The following CSMD1 variants were observed in gnomAD, a reference collection of about 807,000 sequenced individuals.
CSMD1 encodes the protein CUB and sushi domain-containing protein 1.
Under a neutral mutation model 417.5 loss-of-function variants are expected in CSMD1, and 213 were observed. The observed-to-expected ratio is 0.51, with a 90% confidence interval of 0.46 to 0.57. CSMD1 has a LOEUF of 0.57. Among genes scored for constraint, CSMD1 ranks in the 20% least tolerant of loss-of-function variants. The pLI, the probability that CSMD1 is intolerant of heterozygous loss-of-function variation, is 0.00. For synonymous variants in CSMD1, 2,862 were observed against 1,736.8 expected, an observed-to-expected ratio of 1.65 and a Z score of -16.11; for missense variants, 6,923 against 4,529.7, an observed-to-expected ratio of 1.53 and a Z score of -15.17.
At chr8:4,883,224 G>A (rs1010386640) in intron 1 of CSMD1, among the ~76,000 whole-genome samples, 12 of 151,968 alleles carry the variant, frequency 7.9e-5, no homozygotes, top group African/African-American at 2.9e-4. Context: ...GAGCAACATG[G>A]TTGATTTCTA....
chr8:3,544,227 C>T (rs541420331), intron 10 of CSMD1, among the ~76,000 whole-genome samples: 1 of 151,928 alleles, frequency 6.6e-6, no homozygotes, highest in Admixed American at 6.6e-5. Context: ...CTAAACAGAC[C>T]CAAAATTAAA....
chr8:3,754,089 G>C (rs1312986038), intron 5 of CSMD1, 47 bp from the exon 6 acceptor site: 3 of 1,284,932 alleles, frequency 2.3e-6, no homozygotes, highest in South Asian at 2.5e-5. Context: ...AACCAACAGA[G>C]CAAATGTCCT....
intron 1 of CSMD1, among the ~76,000 whole-genome samples, chr8:4,916,905 G>A (rs975514463): frequency 9.8e-5 from 15 of 152,344 alleles, no homozygotes; most frequent in Admixed American, 2.6e-4. Context: ...TTTGACTGGT[G>A]ATGGATACCA....
intron 10 of CSMD1, among the ~76,000 whole-genome samples, chr8:3,555,708 C>A (rs1799114355): frequency 6.6e-6 from 1 of 152,088 alleles, no homozygotes; most frequent in Non-Finnish European, 1.5e-5. Context: ...AAATATGTGT[C>A]TATCATATTT....
At chr8:4,526,827 C>A (rs118063552) in intron 2 of CSMD1, among the ~76,000 whole-genome samples, 2 of 152,050 alleles carry the variant, frequency 1.3e-5, no homozygotes, top group African/African-American at 4.8e-5. Context: ...TAAATTTAAT[C>A]GACAAATGTT....
chr8:4,731,092 C>T (rs149516592), intron 1 of CSMD1, among the ~76,000 whole-genome samples: 1 of 152,184 alleles, frequency 6.6e-6, no homozygotes, highest in Non-Finnish European at 1.5e-5. Context: ...CCATTACCAG[C>T]TGTAACCTGC....
intron 29 of CSMD1, among the ~76,000 whole-genome samples, chr8:3,217,461 A>C (rs896573847): frequency 6.6e-6 from 1 of 152,174 alleles, no homozygotes; most frequent in Admixed American, 6.5e-5. Flanking sequence ...GAGTTGTCAG[A>C]GTGGGCAATG....
intron 3 of CSMD1, among the ~76,000 whole-genome samples, chr8:4,341,379 A>T (rs553194716): frequency 2.8e-4 from 43 of 152,254 alleles, no homozygotes; most frequent in African/African-American, 1.0e-3. Context: ...GCAGGAAATA[A>T]TTTAGTACTG....
intron 3 of CSMD1, among the ~76,000 whole-genome samples, chr8:4,078,090 G>A (rs73502930): frequency 1.4e-3 from 214 of 152,236 alleles, no homozygotes; most frequent in African/African-American, 4.9e-3. Context: ...ACATGCCAAA[G>A]AGAGAAATCT....
chr8:3,506,305 A>G (rs1285714497), intron 10 of CSMD1, among the ~76,000 whole-genome samples: 2 of 152,102 alleles, frequency 1.3e-5, no homozygotes, highest in Non-Finnish European at 2.9e-5. Flanking sequence ...GATTCCTACT[A>G]CCCGCTATTT....
chr8:4,559,215 AGTTGGATAAACTTAAAAT>A (rs147196724), intron 2 of CSMD1, among the ~76,000 whole-genome samples: 4,089 of 152,296 alleles, frequency 0.027, 171 homozygotes, highest in African/African-American at 0.091. Flanking sequence ...TATGACTTTA[AGTTGGATAAACTTAAAAT>A]GTTGGATAAA....
At chr8:3,904,440 G>C (rs1807971797) in intron 5 of CSMD1, among the ~76,000 whole-genome samples, 1 of 152,094 alleles carries the variant, frequency 6.6e-6, no homozygotes, top group Non-Finnish European at 1.5e-5. Context: ...GTGTGTCTAG[G>C]AATGTCCCAG....
chr8:3,073,728 T>A (rs187021715), intron 49 of CSMD1, among the ~76,000 whole-genome samples: 28 of 149,030 alleles, frequency 1.9e-4, no homozygotes, highest in Admixed American at 1.7e-3. Context: ...TAAAATTGAA[T>A]AAAACCAAAG....
At chr8:3,475,660 A>G (rs572210754) in intron 11 of CSMD1, among the ~76,000 whole-genome samples, 2 of 152,228 alleles carry the variant, frequency 1.3e-5, no homozygotes, top group Non-Finnish European at 2.9e-5. Flanking sequence ...ATTTCAGTGA[A>G]GATACTGCTG....
intron 2 of CSMD1, among the ~76,000 whole-genome samples, chr8:4,435,792 A>G (rs1004972052): frequency 5.3e-5 from 8 of 152,224 alleles, no homozygotes; most frequent in African/African-American, 1.9e-4. Flanking sequence ...ACAAGACAAT[A>G]GAAGACAGAC....
chr8:3,160,771 A>G (rs1345172532), intron 38 of CSMD1, among the ~76,000 whole-genome samples: 1 of 152,254 alleles, frequency 6.6e-6, no homozygotes, highest in Admixed American at 6.5e-5. Flanking sequence ...CTGAAAGCAT[A>G]CATCACATGG....
intron 5 of CSMD1, among the ~76,000 whole-genome samples, chr8:3,912,998 G>T (rs146612014): frequency 4.6e-5 from 7 of 152,106 alleles, no homozygotes; most frequent in South Asian, 4.1e-4. Context: ...GAAAGCCTAC[G>T]CACTGGTGAC....
chr8:3,566,465 G>C (rs1197083537), intron 10 of CSMD1, among the ~76,000 whole-genome samples: 4 of 152,006 alleles, frequency 2.6e-5, no homozygotes, highest in African/African-American at 9.7e-5. Context: ...CGCTCCTCCT[G>C]CACCTCCACC....
At chr8:4,335,604 T>G (rs1800118557) in intron 3 of CSMD1, among the ~76,000 whole-genome samples, 1 of 152,142 alleles carries the variant, frequency 6.6e-6, no homozygotes, top group Non-Finnish European at 1.5e-5. Flanking sequence ...AACTACTCTA[T>G]GATTATCATT....
Sources: allele counts gnomAD v4.1 joint callset (sites outside exome capture counted in the v4.1 genomes callset), GRCh38; gene constraint gnomAD v4.1.1; transcripts MANE v1.5; gene names NCBI Gene and HGNC (gene_info 2026-07-23, HGNC 2026-07-21).